Variants in PRKAR1B observed in about 807,000 individuals in gnomAD.
PRKAR1B encodes the protein protein kinase cAMP-dependent type I regulatory subunit beta.
Under a neutral mutation model 46.5 loss-of-function variants are expected in PRKAR1B, and 22 were observed. The ratio of observed to expected loss-of-function variants is 0.47; its 90% CI spans 0.34 to 0.68. The LOEUF (loss-of-function observed/expected upper bound fraction) is 0.68, where lower values mean the gene tolerates loss of function less well. Among genes scored for constraint, PRKAR1B ranks in the 30% least tolerant of loss-of-function variants. PRKAR1B has a pLI of 0.01. For missense variants in PRKAR1B, 445 were observed against 535.6 expected, an observed-to-expected ratio of 0.83 and a Z score of 1.67; for synonymous variants, 259 against 217.7, an observed-to-expected ratio of 1.19 and a Z score of -1.67.
chr7:554,165 G>A (rs1399501619), intron 9 of PRKAR1B, among the ~76,000 whole-genome samples: 3 of 152,258 alleles, frequency 2.0e-5, no homozygotes, highest in Non-Finnish European at 4.4e-5. Flanking sequence ...AAACTCCTGG[G>A]CTCTGAAGCC....
intron 1 of PRKAR1B, among the ~76,000 whole-genome samples, chr7:722,889 G>A (rs900604533): frequency 1.3e-5 from 2 of 151,742 alleles, no homozygotes; most frequent in Non-Finnish European, 2.9e-5. Context: ...TTCAGGTCCA[G>A]GGTGTAGATT....
intron 4 of PRKAR1B, among the ~76,000 whole-genome samples, chr7:656,920 G>GATGA (rs138636630): frequency 0.16 from 23,477 of 150,116 alleles, 2,033 homozygotes; most frequent in South Asian, 0.26. Flanking sequence ...CGGACGGATG[G>GATGA]ATGAATGAAT....
chr7:680,606 C>CGCCTCCTCGCCGGCGGCGG lies in PRKAR1B; in HGVS notation c.279_297dup (p.Val100ProfsTer50). 6.2e-7 allele frequency: 1 copy of CGCCTCCTCGCCGGCGGCGG among 1,613,062 alleles called. No homozygotes were observed. Among genetic ancestry groups the CGCCTCCTCGCCGGCGGCGG allele is most frequent in the African/African-American group, 1.3e-5 (1 of 75,036 alleles). The stretch of plus-strand genomic sequence containing the variant: ...TCCTCGGTGTACACCTCGGCACTCA[C>CGCCTCCTCGCCGGCGGCGG]GCCTCCTCGCCGGCGGCGGGCCTTC... On this transcript the variant is annotated frameshift_variant, in exon 3 of 11. Transcript: ENST00000537384. LOFTEE classifies it high-confidence loss of function.
chr7:550,310 C>G lies in PRKAR1B; in HGVS notation c.*120G>C, dbSNP rs1278196726. On this transcript the variant is annotated 3_prime_UTR_variant, in exon 11 of 11. Transcript: ENST00000537384. Reference sequence around the variant, plus strand: ...GTCCGGGGAAGGGGCAGTCCTCACGCTGCCGGGACCCAGCCCCACCCGGCC... The same window carrying G: ...GTCCGGGGAAGGGGCAGTCCTCACGGTGCCGGGACCCAGCCCCACCCGGCC... 2.4e-6 allele frequency: 2 copies of G among 817,322 alleles called. No individual in the cohort carries two copies. The highest frequency in any genetic ancestry group is 2.7e-5 in the East Asian group (1 of 37,100). The allele number at this position is 817,322 out of a possible 1,614,324, so 50.6% of individuals were successfully genotyped here.
At chr7:718,255 T>TACACACACACACACAC (rs35563369) in intron 1 of PRKAR1B, among the ~76,000 whole-genome samples, 1 of 139,992 alleles carries the variant, frequency 7.1e-6, no homozygotes, top group Non-Finnish European at 1.5e-5. Context: ...GCTTTATAGA[T>TACACACACACACACAC]ACACACACAC....
chr7:626,993 G>A (rs1199393710), intron 4 of PRKAR1B, among the ~76,000 whole-genome samples: 1 of 152,182 alleles, frequency 6.6e-6, no homozygotes, highest in African/African-American at 2.4e-5. Flanking sequence ...TCTTGCCTCA[G>A]CCTCCCGAAT....
At chr7:670,748 G>A (rs1483657278) in intron 4 of PRKAR1B, among the ~76,000 whole-genome samples, 7 of 149,718 alleles carry the variant, frequency 4.7e-5, no homozygotes, top group East Asian at 3.9e-4. Context: ...GACGGCCCCC[G>A]AGCTCCCCCA....
intron 1 of PRKAR1B, among the ~76,000 whole-genome samples, chr7:720,976 G>C (rs550558979): frequency 6.6e-6 from 1 of 152,306 alleles, no homozygotes; most frequent in South Asian, 2.1e-4. Context: ...GCTTACGCTT[G>C]CCATTTAATC....
intron 4 of PRKAR1B, among the ~76,000 whole-genome samples, chr7:662,194 C>CG (rs1785620430): frequency 9.9e-6 from 1 of 100,606 alleles, no homozygotes; most frequent in Non-Finnish European, 2.0e-5. Flanking sequence ...TACTCTCCCC[C>CG]CCATGGCACA....
chr7:607,245 C>A (rs1459264809), intron 5 of PRKAR1B, 146 bp downstream of exon 5: 1 of 636,938 alleles, frequency 1.6e-6, no homozygotes, highest in Non-Finnish European at 2.6e-6. Context: ...AACCCCTGAC[C>A]TCAGGTGATC....
rs1025451640 is a variant in PRKAR1B at position 702,387 on chromosome 7, A to G, written c.177+8942T>C. ...CCATATCAATAATTACATTAAATGT[A>G]CATGATCTATACATGAGGTAAGATA... On this transcript the variant is annotated intron_variant, in intron 2 of 10. Transcript: ENST00000537384. Among the ~76,000 whole-genome samples, 8 of 152,252 alleles carry G rather than the reference A, an allele frequency of 5.3e-5. No homozygotes were observed. The East Asian group carries it at 5.8e-4, about 11-fold the overall frequency.
At chr7:645,296 G>A (rs1243744262) in intron 4 of PRKAR1B, among the ~76,000 whole-genome samples, 1 of 152,144 alleles carries the variant, frequency 6.6e-6, no homozygotes, top group Admixed American at 6.5e-5. Flanking sequence ...AGGTGTTTCT[G>A]AGCCAGGCTG....
At chr7:697,149 C>G (rs1779785254) in intron 2 of PRKAR1B, 1 of 152,172 alleles carries the variant, frequency 6.6e-6, no homozygotes, top group African/African-American at 2.4e-5. Flanking sequence ...GAATGTGCCC[C>G]AGAATCGAGG....
chr7:726,698 T>C (rs1026697450), intron 1 of PRKAR1B: 5 of 1,233,086 alleles, frequency 4.1e-6, no homozygotes, highest in Non-Finnish European at 4.1e-6. Context: ...CTGTTCCCCT[T>C]AGTGACCGGC....
upstream of PRKAR1B, chr7:727,500 C>T (rs935564684): frequency 5.8e-5 from 18 of 310,774 alleles, no homozygotes; most frequent in African/African-American, 3.8e-4. Context: ...CCCGCCCGGC[C>T]CCCTCCTCCC....
intron 2 of PRKAR1B, chr7:696,696 C>G (rs542347905): frequency 6.6e-6 from 1 of 152,270 alleles, no homozygotes; most frequent in Non-Finnish European, 1.5e-5. Flanking sequence ...AACCAGAAGC[C>G]GCTTCTCTTC....
chr7:679,831 G>T (rs1309118863), intron 3 of PRKAR1B, among the ~76,000 whole-genome samples: 1 of 152,014 alleles, frequency 6.6e-6, no homozygotes, highest in African/African-American at 2.4e-5. Context: ...ATGAGAGAAG[G>T]GCCCTGAATA....
chr7:616,868 C>T (rs1253871626), intron 4 of PRKAR1B, among the ~76,000 whole-genome samples: 2 of 152,192 alleles, frequency 1.3e-5, no homozygotes, highest in Non-Finnish European at 1.5e-5. Flanking sequence ...GGGTGAAGCG[C>T]CTCGGGCCCT....
At chr7:664,732 A>G (rs1025224409) in intron 4 of PRKAR1B, among the ~76,000 whole-genome samples, 1 of 151,406 alleles carries the variant, frequency 6.6e-6, no homozygotes, top group African/African-American at 2.4e-5. Context: ...CAACACAGCG[A>G]GACTCTGTCT....
Sources: gnomAD v4.1 joint callset for allele counts (sites outside exome capture counted in the v4.1 genomes callset) on GRCh38, gnomAD v4.1.1 for gene constraint, MANE v1.5 for transcripts, NCBI Gene and HGNC (gene_info 2026-07-23, HGNC 2026-07-21) for gene names.